Variants in GALNT13 observed in about 807,000 individuals in gnomAD.
GALNT13 encodes UDP-GalNAc:polypeptide N-acetylgalactosaminyltransferase 13.
GALNT13 carries 28 observed loss-of-function variants against 64.2 expected under a neutral mutation model. That is an observed-to-expected ratio of 0.44 (90% CI 0.32 to 0.60). The LOEUF is 0.60. Ranked by LOEUF, GALNT13 falls within the 20% of genes least tolerant of loss-of-function variation. The pLI, the probability that GALNT13 is intolerant of heterozygous loss-of-function variation, is 0.05. For missense variants in GALNT13, 577 were observed against 669.8 expected (o/e 0.86, Z 1.53); for synonymous variants, 214 against 224.6 (o/e 0.95, Z 0.42).
At chr2:153,685,095 G>A in the GALNT13 span, among the ~76,000 whole-genome samples, 4 of 151,624 alleles carry the variant, frequency 2.6e-5, no homozygotes, top group East Asian at 3.9e-4. Context: ...CTTCGCTATT[G>A]TGAATAGTGC....
chr2:153,333,829 T>TA, the GALNT13 span, among the ~76,000 whole-genome samples: 12 of 152,366 alleles, frequency 7.9e-5, no homozygotes, highest in East Asian at 2.1e-3. Context: ...GCATTTATTC[T>TA]ACTATGTGAG....
At chr2:153,102,202 A>G in the GALNT13 span, among the ~76,000 whole-genome samples, 2 of 148,454 alleles carry the variant, frequency 1.3e-5, no homozygotes, top group Admixed American at 1.3e-4. Flanking sequence ...TTCTCTCTCT[A>G]TCTCCCTCTC....
chr2:153,753,629 T>TG, the GALNT13 span, among the ~76,000 whole-genome samples: 1 of 152,112 alleles, frequency 6.6e-6, no homozygotes, highest in East Asian at 1.9e-4. Flanking sequence ...CTGACCCACC[T>TG]GGGGGGTGGA....
At chr2:153,306,815 G>A in the GALNT13 span, among the ~76,000 whole-genome samples, 35 of 152,212 alleles carry the variant, frequency 2.3e-4, no homozygotes, top group African/African-American at 8.2e-4. Flanking sequence ...GCGCAGTGGC[G>A]TGATCTCTGC....
At chr2:153,674,865 C>T in the GALNT13 span, among the ~76,000 whole-genome samples, 1 of 151,438 alleles carries the variant, frequency 6.6e-6, no homozygotes, top group East Asian at 2.0e-4. Context: ...AAAAAAACAA[C>T]CCCATGAAAA....
At chr2:153,384,380 G>C in the GALNT13 span, among the ~76,000 whole-genome samples, 3 of 152,064 alleles carry the variant, frequency 2.0e-5, no homozygotes, top group Admixed American at 6.6e-5. Context: ...TTCTTCAAGT[G>C]ATGAAGAAAG....
At chr2:153,166,807 C>A in the GALNT13 span, among the ~76,000 whole-genome samples, 18 of 152,300 alleles carry the variant, frequency 1.2e-4, no homozygotes, top group East Asian at 1.4e-3. Context: ...GGACATATAA[C>A]CTTGCGTAAC....
intron 3 of GALNT13, among the ~76,000 whole-genome samples, chr2:154,104,195 C>T (rs1702490502): frequency 6.6e-6 from 1 of 150,404 alleles, no homozygotes; most frequent in Admixed American, 6.6e-5. Context: ...CAACTGAGTT[C>T]CATGGGGGTG....
the GALNT13 span, among the ~76,000 whole-genome samples, chr2:153,703,176 C>G: frequency 2.6e-5 from 4 of 152,132 alleles, no homozygotes; most frequent in African/African-American, 7.2e-5. Context: ...ATGAAATGGT[C>G]TGAGTTAAAA....
the GALNT13 span, among the ~76,000 whole-genome samples, chr2:153,298,597 G>A: frequency 6.6e-6 from 1 of 152,116 alleles, no homozygotes; most frequent in Non-Finnish European, 1.5e-5. Flanking sequence ...GTTCTGTTAG[G>A]CACTCTGAAT....
rs537951457 is a variant in GALNT13 at position 154,114,832 on chromosome 2, A to C, written c.143-25505A>C. Among the ~76,000 whole-genome samples, 9 of 152,330 alleles carry C rather than the reference A, an allele frequency of 5.9e-5. No individual in the cohort carries two copies. The East Asian group carries it at 1.7e-3, about 29-fold the overall frequency. Reference sequence around the variant, plus strand: ...AATGCCCAAACTCTACACAAGTCAGAGTATTTTTAATGCTGCTTTGCCTCT... The same window carrying C: ...AATGCCCAAACTCTACACAAGTCAGCGTATTTTTAATGCTGCTTTGCCTCT... On this transcript the variant is annotated intron_variant, in intron 3 of 12. Transcript: ENST00000392825.
the GALNT13 span, among the ~76,000 whole-genome samples, chr2:153,399,775 G>A: frequency 6.6e-6 from 1 of 152,146 alleles, no homozygotes; most frequent in South Asian, 2.1e-4. Context: ...CATTGATTTT[G>A]TATCCTGGGA....
intron 11 of GALNT13, among the ~76,000 whole-genome samples, chr2:154,429,074 G>A (rs185436333): frequency 2.0e-5 from 3 of 152,128 alleles, no homozygotes; most frequent in African/African-American, 4.8e-5. Flanking sequence ...CCTATCTCTC[G>A]CTCCACAGGG....
At chr2:153,937,694 T>A (rs1208801464) in intron 2 of GALNT13, among the ~76,000 whole-genome samples, 1 of 152,206 alleles carries the variant, frequency 6.6e-6, no homozygotes, top group Non-Finnish European at 1.5e-5. Flanking sequence ...GGCTGCTTGG[T>A]CTATAGTTGT....
At chr2:153,764,612 A>G in the GALNT13 span, among the ~76,000 whole-genome samples, 5 of 152,182 alleles carry the variant, frequency 3.3e-5, no homozygotes, top group Non-Finnish European at 7.3e-5. Context: ...AGAAAACCCC[A>G]TTTTCAGGGG....
chr2:153,901,112 A>G (rs1182442827), intron 2 of GALNT13, 105 bp downstream of exon 2: 1 of 152,128 alleles, frequency 6.6e-6, no homozygotes, highest in Admixed American at 6.6e-5. Context: ...GATATTGTCA[A>G]CATTGTTAAA....
chr2:154,383,315 T>C (rs910590085), intron 9 of GALNT13, among the ~76,000 whole-genome samples: 1 of 151,850 alleles, frequency 6.6e-6, no homozygotes, highest in Admixed American at 6.6e-5. Flanking sequence ...TTCATAATCA[T>C]AGTAGCACTC....
At chr2:153,884,305 A>T (rs954840077) in intron 1 of GALNT13, among the ~76,000 whole-genome samples, 3 of 151,844 alleles carry the variant, frequency 2.0e-5, no homozygotes, top group African/African-American at 7.3e-5. Flanking sequence ...TGCTTCGATG[A>T]GTGTGTACTT....
At chr2:153,080,350 T>G in the GALNT13 span, among the ~76,000 whole-genome samples, 5 of 152,274 alleles carry the variant, frequency 3.3e-5, no homozygotes, top group African/African-American at 1.2e-4. Context: ...GCTTTAGCCC[T>G]GTCATAGGTT....
Sources: gnomAD v4.1 joint callset for allele counts (sites outside exome capture counted in the v4.1 genomes callset) on GRCh38, gnomAD v4.1.1 for gene constraint, MANE v1.5 for transcripts, NCBI Gene and HGNC (gene_info 2026-07-23, HGNC 2026-07-21) for gene names.